The following ZC3H3 variants were observed in gnomAD, a reference collection of about 807,000 sequenced individuals.
ZC3H3 encodes zinc finger CCCH domain-containing protein 3.
Under a neutral mutation model 77.3 loss-of-function variants are expected in ZC3H3, and 36 were observed. The observed-to-expected ratio is 0.47, with a 90% CI of 0.36 to 0.61. The LOEUF is 0.61. Among genes scored for constraint, ZC3H3 ranks in the 20% least tolerant of loss-of-function variants. The probability of loss-of-function intolerance (pLI) is 0.00; values close to 1 mark genes in which losing one functional copy is unlikely to be tolerated. For synonymous variants in ZC3H3, 626 were observed against 555.2 expected (o/e 1.13, Z -1.79); for missense variants, 1,331 against 1,312.2 (o/e 1.01, Z -0.22).
At chr8:143,474,937 C>T (rs1052260056) in intron 5 of ZC3H3, among the ~76,000 whole-genome samples, 7 of 152,202 alleles carry the variant, frequency 4.6e-5, no homozygotes, top group Non-Finnish European at 1.0e-4. Context: ...GGTGTGCGCT[C>T]GCCCGGGCGT....
rs1027784335 is a variant in ZC3H3, at chr8:143,465,987, C to T, written c.2176-139G>A. On this transcript the variant is annotated intron_variant, in intron 8 of 11. Transcript: ENST00000262577. ...CAGCAGGCAGGAAGGGCAGCCACCA[C>T]GACCTGCGGGGCAGGGAAGCTGCTG... 23 of 1,246,054 alleles carry T rather than the reference C, an allele frequency of 1.8e-5. No individual in the cohort carries two copies. The Admixed American group carries it at 3.9e-4, about 21-fold the overall frequency. 77.2% of individuals were successfully genotyped at this position (1,246,054 alleles called of 1,614,324 possible).
intron 3 of ZC3H3, among the ~76,000 whole-genome samples, chr8:143,517,763 C>T (rs1475662264): frequency 1.3e-5 from 2 of 152,180 alleles, no homozygotes; most frequent in African/African-American, 2.4e-5. Context: ...ATTGAGAACG[C>T]CTCTTCACCT....
intron 9 of ZC3H3, among the ~76,000 whole-genome samples, chr8:143,461,057 G>A (rs1820248651): frequency 6.6e-6 from 1 of 152,100 alleles, no homozygotes. Context: ...GTTAGCTATT[G>A]AACTAAGTGC....
intron 5 of ZC3H3, among the ~76,000 whole-genome samples, chr8:143,470,639 AC>A (rs910586479): frequency 9.2e-5 from 14 of 152,214 alleles, no homozygotes; most frequent in Non-Finnish European, 1.5e-4. Flanking sequence ...AGGCAGGGAC[AC>A]ACTGGCATCA....
At chr8:143,442,582 C>T (rs370359599) in intron 9 of ZC3H3, among the ~76,000 whole-genome samples, 16 of 152,214 alleles carry the variant, frequency 1.1e-4, no homozygotes, top group African/African-American at 3.1e-4. Context: ...GCCAAGGCTG[C>T]GGGTGCATTT....
chr8:143,535,313 A>C (rs563297702), intron 3 of ZC3H3, among the ~76,000 whole-genome samples: 40 of 152,304 alleles, frequency 2.6e-4, no homozygotes, highest in African/African-American at 9.4e-4. Flanking sequence ...AGCTGGGATT[A>C]CAGCCATGAG....
In ZC3H3 at chr8:143,437,920, G is replaced by A; in HGVS notation, c.*136C>T. 8.1e-7 allele frequency: 1 copy of A among 1,233,064 alleles called. No homozygotes were observed. The highest frequency in any genetic ancestry group is 1.2e-6 in the Non-Finnish European group (1 of 864,510). 76.4% of individuals were successfully genotyped at this position (1,233,064 alleles called of 1,614,324 possible). On this transcript the variant is annotated 3_prime_UTR_variant, in exon 12 of 12. Coordinates refer to ENST00000262577, the MANE Select transcript of ZC3H3 (RefSeq NM_015117.3). ...TCATGGAAGGTTGAGGGCCAGGCAG[G>A]CAGAGCAGTGTCCCTGTGGCCCCCA...
rs1467633782 is a variant in ZC3H3 at position 143,494,570 on chromosome 8, A to G, written c.1715+13176T>C. 2.0e-5 allele frequency among the ~76,000 whole-genome samples: 3 copies of G among 151,898 alleles called. No homozygotes were observed. The highest frequency in any genetic ancestry group is 7.3e-5 in the African/African-American group (3 of 41,320). ...GCACAGCGGCGCCGGCAGAACCCAG[A>G]GCGAGGGCCAGCCGGGAAGGAGGGC... On this transcript the variant is annotated intron_variant, in intron 4 of 11. Coordinates refer to ENST00000262577, the MANE Select transcript of ZC3H3 (RefSeq NM_015117.3). This position sits in a 1 kb window ranked among gnomAD's most constrained non-coding sequence, Gnocchi z 5.3.
chr8:143,454,165 T>G (rs1286612917), intron 9 of ZC3H3, among the ~76,000 whole-genome samples: 1 of 148,418 alleles, frequency 6.7e-6, no homozygotes, highest in Admixed American at 6.8e-5. Context: ...CACTGCAACC[T>G]CCATCTCCCG....
At chr8:143,489,268 G>A (rs889683026) in intron 4 of ZC3H3, among the ~76,000 whole-genome samples, 8 of 151,434 alleles carry the variant, frequency 5.3e-5, no homozygotes, top group Non-Finnish European at 1.2e-4. Flanking sequence ...CACTCTCCAT[G>A]ACTGCTAGTA....
intron 4 of ZC3H3, among the ~76,000 whole-genome samples, chr8:143,479,031 G>T (rs1326359767): frequency 6.6e-6 from 1 of 152,194 alleles, no homozygotes; most frequent in Admixed American, 6.5e-5. Flanking sequence ...TAGCCTGGGA[G>T]CCCAGGGCCT....
chr8:143,468,551 G>C lies in ZC3H3; in HGVS notation c.1947-11C>G. Reference sequence around the variant, plus strand: ...CGCTGCACTGCCCGGCTGCAGACGGGGAGAGAGGTGCGTGAGCCTGAGGGC... The same window carrying C: ...CGCTGCACTGCCCGGCTGCAGACGGCGAGAGAGGTGCGTGAGCCTGAGGGC... On this transcript the variant is annotated splice_polypyrimidine_tract_variant and intron_variant, in intron 6 of 11. Transcript: ENST00000262577. 1 of 1,605,312 alleles carries C rather than the reference G, an allele frequency of 6.2e-7. No individual in the cohort carries two copies. Among genetic ancestry groups the C allele is most frequent in the Non-Finnish European group, 8.5e-7 (1 of 1,176,634 alleles).
chr8:143,463,279 C>T (rs1820315200), intron 9 of ZC3H3, among the ~76,000 whole-genome samples: 1 of 149,060 alleles, frequency 6.7e-6, no homozygotes, highest in Admixed American at 6.7e-5. Flanking sequence ...GCCACCGCGC[C>T]CGGCCCAGAC....
chr8:143,512,392 C>A (rs1350359410), intron 3 of ZC3H3, among the ~76,000 whole-genome samples: 1 of 152,252 alleles, frequency 6.6e-6, no homozygotes, highest in Non-Finnish European at 1.5e-5. Context: ...TGCACGCCTG[C>A]AAACCTACTT....
chr8:143,465,932 C>T (rs1162297678), intron 8 of ZC3H3, 84 bp from the exon 9 acceptor site: 47 of 1,501,682 alleles, frequency 3.1e-5, no homozygotes, highest in African/African-American at 4.1e-5. Flanking sequence ...TCCTACGGCC[C>T]CGCCCGAGAG....
intron 9 of ZC3H3, among the ~76,000 whole-genome samples, chr8:143,456,582 C>T (rs1820129091): frequency 1.3e-5 from 2 of 152,046 alleles, no homozygotes; most frequent in African/African-American, 2.4e-5. Flanking sequence ...AAGAGTAAAT[C>T]GATCAAGAAT....
chr8:143,483,127 A>C (rs1820952240), intron 4 of ZC3H3, among the ~76,000 whole-genome samples: 1 of 152,240 alleles, frequency 6.6e-6, no homozygotes, highest in Admixed American at 6.5e-5. Flanking sequence ...GTGCGAAGTC[A>C]GCAGAAGAGG....
At chr8:143,514,825 T>C (rs956750244) in intron 3 of ZC3H3, among the ~76,000 whole-genome samples, 18 of 152,092 alleles carry the variant, frequency 1.2e-4, no homozygotes, top group Admixed American at 3.3e-4. Flanking sequence ...CCAAGGCCAC[T>C]CTCCGAGGCA....
In ZC3H3 at chr8:143,538,812, C is replaced by T; in HGVS notation, c.555G>A (p.Val185=). The change falls in exon 2 of 12, where the codon GTG becomes GTA. Residue 185 remains valine, a synonymous_variant. Coordinates refer to ENST00000262577, the MANE Select transcript of ZC3H3 (RefSeq NM_015117.3). ...TCTGGCAGACCAGAAGAGGATCTTC[C>T]ACACTGCAGGTCCCCCTGGCTCTTG... ...RPTRARGTCS[V]EDPLLVCQKE... 6.2e-7 allele frequency: 1 copy of T among 1,612,422 alleles called. No individual in the cohort carries two copies. The highest frequency in any genetic ancestry group is 8.5e-7 in the Non-Finnish European group (1 of 1,179,808).
Sources: allele counts gnomAD v4.1 joint callset (sites outside exome capture counted in the v4.1 genomes callset), GRCh38; gene constraint gnomAD v4.1.1; non-coding constraint Gnocchi (gnomAD v3.1); transcripts MANE v1.5; gene names NCBI Gene and HGNC (gene_info 2026-07-23, HGNC 2026-07-21).